Variants in KIF5A observed in about 807,000 individuals in gnomAD.
KIF5A encodes kinesin heavy chain isoform 5A.
In KIF5A, 35 loss-of-function variants were observed where a neutral mutation model predicts 141.3. The observed-to-expected ratio is 0.25, with a 90% CI of 0.19 to 0.33. The LOEUF is 0.33. Among genes scored for constraint, KIF5A ranks in the 10% least tolerant of loss-of-function variants. The pLI, the probability that KIF5A is intolerant of heterozygous loss-of-function variation, is 1.00. For synonymous variants in KIF5A, 448 were observed against 500.2 expected, an observed-to-expected ratio of 0.90 and a Z score of 1.39; for missense variants, 861 against 1,314.3, an observed-to-expected ratio of 0.66 and a Z score of 5.33.
At position 57,576,820 on chromosome 12, in the gene KIF5A, A is replaced by G. The variant is rs778958309; in HGVS notation, c.2258A>G (p.Lys753Arg). The change falls in exon 20 of 29, where the codon AAG (lysine) becomes AGG (arginine). Residue 753 changes from lysine (K) to arginine (R), a missense_variant. By Grantham distance (26) the Lys-to-Arg change is conservative. This residue lies in a region of KIF5A where 482 missense variants were observed against 661.3 expected (regional missense o/e 0.73). Coordinates refer to ENST00000455537, the MANE Select transcript of KIF5A (RefSeq NM_004984.4). ...EKLQADYEKL[K>R]SEEHEKSTKL... Reference sequence around the variant, plus strand: ...CTTCAGGCTGACTACGAGAAGCTGAAGAGCGAAGAACACGAGAAGAGCACC... The same window carrying G: ...CTTCAGGCTGACTACGAGAAGCTGAGGAGCGAAGAACACGAGAAGAGCACC... 5.0e-6 allele frequency: 8 copies of G among 1,613,954 alleles called. No homozygotes were observed. Among genetic ancestry groups the G allele is most frequent in the Non-Finnish European group, 6.8e-6 (8 of 1,179,894 alleles).
chr12:57,583,267 T>C, intron 28 of KIF5A, 52 bp downstream of exon 28: 4 of 1,051,334 alleles, frequency 3.8e-6, no homozygotes, highest in Non-Finnish European at 5.8e-6. Flanking sequence ...CCCTTCTTGC[T>C]GACAGCCTCT....
chr12:57,555,561 A>G (rs983794747), intron 1 of KIF5A, among the ~76,000 whole-genome samples: 23 of 151,874 alleles, frequency 1.5e-4, no homozygotes, highest in Admixed American at 1.2e-3. Flanking sequence ...ACTGCACTCC[A>G]GCCTGGGCAA....
rs867061607 is a variant in KIF5A, at chr12:57,582,991, T to C, written c.3021-110T>C. ...TCCCTGTATTCCTGTAAAACACAAA[T>C]AGTCCCTGCCGTTTGTGATCTCACA... On this transcript the variant is annotated intron_variant, in intron 27 of 28. Coordinates refer to ENST00000455537, the MANE Select transcript of KIF5A (RefSeq NM_004984.4). 62 of 890,174 alleles carry C rather than the reference T, an allele frequency of 7.0e-5. No homozygotes were observed. In the Middle Eastern group the frequency reaches 8.4e-4, roughly 12 times the overall value. The allele number at this position is 890,174 out of a possible 1,614,324, so 55.1% of individuals were successfully genotyped here. A position where few individuals can be genotyped will look rare whatever the true frequency, so the allele number is the denominator to read the frequency against.
At chr12:57,581,764 G>T in intron 25 of KIF5A, 106 bp from the exon 26 acceptor site, 1 of 1,253,772 alleles carries the variant, frequency 8.0e-7, no homozygotes. Flanking sequence ...CTCTGGGGAT[G>T]GGGAGGGCTG....
chr12:57,553,618 A>T (rs930280936), intron 1 of KIF5A, among the ~76,000 whole-genome samples: 8 of 152,188 alleles, frequency 5.3e-5, no homozygotes, highest in Non-Finnish European at 7.3e-5. Flanking sequence ...TTCAGCTTAT[A>T]CCAAGTGCTT....
chr12:57,550,889 A>G lies in KIF5A; in HGVS notation c.129+489A>G, dbSNP rs911506137. 6.6e-6 allele frequency among the ~76,000 whole-genome samples: 1 copy of G among 152,138 alleles called. No individual in the cohort carries two copies. The highest frequency in any genetic ancestry group is 1.5e-5 in the Non-Finnish European group (1 of 68,026). On this transcript the variant is annotated intron_variant, in intron 1 of 28. Transcript: ENST00000455537. The surrounding 1 kb of genome is among the most constrained non-coding windows in gnomAD (Gnocchi z 4.6). ...AGTGGGCTCTAAGACCAAACCTTCC[A>G]TCATTCCCTAAAGTAGTTATAGCCT...
intron 1 of KIF5A, among the ~76,000 whole-genome samples, chr12:57,559,125 T>C (rs1203256919): frequency 1.3e-5 from 2 of 152,240 alleles, no homozygotes; most frequent in Non-Finnish European, 2.9e-5. Flanking sequence ...CAGGCCTCTG[T>C]TGGTGGACAT....
chr12:57,572,074 C>A lies in KIF5A; in HGVS notation c.1376C>A (p.Thr459Asn). Residue 459 changes from threonine to asparagine, a missense_variant, in exon 14 of 29, where the codon ACC becomes AAC. By Grantham distance (65) the Thr-to-Asn change is moderately conservative. Coordinates refer to ENST00000455537, the MANE Select transcript of KIF5A (RefSeq NM_004984.4). The surrounding 1 kb of genome is among the most constrained non-coding windows in gnomAD (Gnocchi z 4.2). Reference protein sequence around the residue: ...MLDQEELLVSTRGDNEKVQRE... With the variant: ...MLDQEELLVSNRGDNEKVQRE... ...TCTCCCTTGAAGCTGCTGGTGTCCA[C>A]CCGAGGAGACAACGAGAAGGTCCAG... 1 of 1,613,334 alleles carries A rather than the reference C, an allele frequency of 6.2e-7. No homozygotes were observed. Among genetic ancestry groups the A allele is most frequent in the South Asian group, 1.1e-5 (1 of 91,010 alleles).
chr12:57,573,913 C>G (rs1448413887), intron 15 of KIF5A, among the ~76,000 whole-genome samples: 3 of 151,182 alleles, frequency 2.0e-5, no homozygotes, highest in Middle Eastern at 3.2e-3. Flanking sequence ...AACCCTGTCT[C>G]TACTAAAAAA....
chr12:57,574,231 T>C (rs1160601681), intron 15 of KIF5A, among the ~76,000 whole-genome samples: 1 of 152,044 alleles, frequency 6.6e-6, no homozygotes, highest in Non-Finnish European at 1.5e-5. Flanking sequence ...AAAATCATGT[T>C]GCTTTATAAG....
chr12:57,550,383 G>C lies in KIF5A; in HGVS notation c.112G>C (p.Asp38His). The change falls in exon 1 of 29, where the codon GAC becomes CAC. Residue 38 changes from aspartate to histidine, a missense_variant. Coordinates refer to ENST00000455537, the MANE Select transcript of KIF5A (RefSeq NM_004984.4). This position sits in a 1 kb window ranked among gnomAD's most constrained non-coding sequence, Gnocchi z 4.6. ...GTTCATCCCCATTTTCCAAGGGGAC[G>C]ACAGCGTCGTTATTGGGGTGAGTGT... ...DKFIPIFQGD[D>H]SVVIGGKPYV... The C allele has an allele frequency of 6.2e-7, 1 of 1,614,170 alleles. No homozygotes were observed. The highest frequency in any genetic ancestry group is 8.5e-7 in the Non-Finnish European group (1 of 1,180,026).
Position 57,569,241 on chromosome 12 carries a change from TC to T in KIF5A, c.820-13del. The T allele has an allele frequency of 3.7e-6, 6 of 1,613,792 alleles. No individual in the cohort carries two copies. Among genetic ancestry groups the T allele is most frequent in the Non-Finnish European group, 5.1e-6 (6 of 1,179,786 alleles). ...ATTTGTTTATTTCTGATTCCTGGTCTCCTTCCTCCCCCAGAAAAGCTATGTT... is the reference window on the plus strand; with the variant it reads ...ATTTGTTTATTTCTGATTCCTGGTCTCTTCCTCCCCCAGAAAAGCTATGTT... On this transcript the variant is annotated splice_polypyrimidine_tract_variant and intron_variant, in intron 9 of 28. Coordinates refer to ENST00000455537, the MANE Select transcript of KIF5A (RefSeq NM_004984.4).
chr12:57,571,854 C>T (rs760697328), intron 13 of KIF5A, among the ~76,000 whole-genome samples: 9 of 152,176 alleles, frequency 5.9e-5, no homozygotes, highest in South Asian at 2.1e-4. Context: ...CCACTGCGCC[C>T]GGCTGGGGCT....
rs1185329136 is a variant in KIF5A at position 57,563,606 on chromosome 12, A to G, written c.218-14A>G. ...CTATCTCCACCAGTACTCTTTCTCTACTGTCTCTTCCAGATGTCCTTGCTG... is the reference window on the plus strand; with the variant it reads ...CTATCTCCACCAGTACTCTTTCTCTGCTGTCTCTTCCAGATGTCCTTGCTG... On this transcript the variant is annotated splice_polypyrimidine_tract_variant and intron_variant, in intron 2 of 28. Coordinates refer to ENST00000455537, the MANE Select transcript of KIF5A (RefSeq NM_004984.4). 6.2e-7 allele frequency: 1 copy of G among 1,613,474 alleles called. No individual in the cohort carries two copies. Among genetic ancestry groups the G allele is most frequent in the Non-Finnish European group, 8.5e-7 (1 of 1,179,644 alleles).
chr12:57,557,477 C>A (rs748467848), intron 1 of KIF5A, among the ~76,000 whole-genome samples: 1 of 151,628 alleles, frequency 6.6e-6, no homozygotes, highest in African/African-American at 2.4e-5. Context: ...GAAAGGACAC[C>A]GAAGAAGCTA....
chr12:57,564,643 T>C (rs1594913028), intron 5 of KIF5A, 135 bp downstream of exon 5: 1 of 858,508 alleles, frequency 1.2e-6, no homozygotes, highest in East Asian at 2.5e-5. Context: ...TGGCCCCGTT[T>C]ACCAGAATTT....
chr12:57,555,107 G>A (rs866831095), intron 1 of KIF5A, among the ~76,000 whole-genome samples: 3 of 152,284 alleles, frequency 2.0e-5, no homozygotes, highest in Non-Finnish European at 4.4e-5. Flanking sequence ...AGTGGCCTGC[G>A]CAGAGGCAGG....
At chr12:57,578,378 A>C in intron 23 of KIF5A, 36 bp downstream of exon 23, 1 of 1,441,710 alleles carries the variant, frequency 6.9e-7, no homozygotes, top group Non-Finnish European at 9.8e-7. Context: ...AGAATTTTTG[A>C]GGCCGGGTAG....
In KIF5A at chr12:57,570,103, G is replaced by A. The variant is rs1882204519; in HGVS notation, c.1234G>A (p.Glu412Lys). Residue 412 changes from glutamate to lysine, a missense_variant, in exon 12 of 29, where the codon GAG becomes AAG. Transcript: ENST00000455537. ...NSSIVVRIAP[E>K]ERQKYEEEIR... ...ATCCATCGTGGTGCGCATCGCGCCC[G>A]AGGAGCGGCAGAAATACGAGGAGGA... The A allele has an allele frequency of 1.9e-6, 3 of 1,614,064 alleles. No individual in the cohort carries two copies. The highest frequency in any genetic ancestry group is 1.1e-5 in the South Asian group (1 of 91,082).
Sources: gnomAD v4.1 joint callset for allele counts (sites outside exome capture counted in the v4.1 genomes callset) on GRCh38, gnomAD v4.1.1 for gene constraint, gnomAD v4.1.1 regional missense constraint, Gnocchi (gnomAD v3.1) non-coding constraint, MANE v1.5 for transcripts, NCBI Gene and HGNC (gene_info 2026-07-23, HGNC 2026-07-21) for gene names.